FAM83D: variants seen among roughly 807,000 people sequenced by gnomAD.
FAM83D encodes scaffolding CK1 anchoring protein D.
FAM83D carries 26 observed loss-of-function variants against 25.4 expected under a neutral mutation model. The observed-to-expected ratio is 1.02, with a 90% CI of 0.75 to 1.42. The LOEUF is 1.42. Among genes scored for constraint, FAM83D ranks in the 40% most tolerant of loss-of-function variants. The pLI is 0.00. For missense variants in FAM83D, 740 were observed against 758.1 expected, an observed-to-expected ratio of 0.98 and a Z score of 0.28; for synonymous variants, 310 against 318.5, an observed-to-expected ratio of 0.97 and a Z score of 0.28.
intron 2 of FAM83D, among the ~76,000 whole-genome samples, chr20:38,942,644 G>C (rs1322075453): frequency 6.6e-6 from 1 of 152,160 alleles, no homozygotes; most frequent in African/African-American, 2.4e-5. Flanking sequence ...GGAGTTGGGG[G>C]AAGGACGGGA....
rs546123103 is a variant in FAM83D, at chr20:38,950,120, C to G, written c.777-1419C>G. ...ATAGGCATGAGCCACCGTGCCCAGC[C>G]AGATCCTGGCTTTCTTATATGGCCT... On this transcript the variant is annotated intron_variant, in intron 3 of 3. Transcript: ENST00000619850. 3.5e-5 allele frequency among the ~76,000 whole-genome samples: 4 copies of G among 114,780 alleles called. No homozygotes were observed. The Admixed American group carries it at 3.6e-4, about 10-fold the overall frequency. The allele number at this position is 114,780 out of a possible 152,430, so 75.3% of individuals were successfully genotyped here. A position where few individuals can be genotyped will look rare whatever the true frequency, so the allele number is the denominator to read the frequency against.
chr20:38,949,654 C>CGTACT (rs1443362225), intron 3 of FAM83D, among the ~76,000 whole-genome samples: 5 of 152,158 alleles, frequency 3.3e-5, no homozygotes, highest in Admixed American at 2.0e-4. Context: ...AACTCTCAAA[C>CGTACT]GTACTGACTC....
At chr20:38,933,213 G>C (rs910556611) in intron 1 of FAM83D, among the ~76,000 whole-genome samples, 5 of 152,150 alleles carry the variant, frequency 3.3e-5, no homozygotes. Context: ...CCATTCACTC[G>C]ATGCCAATAG....
chr20:38,951,295 C>T (rs2085752782), intron 3 of FAM83D, among the ~76,000 whole-genome samples: 1 of 152,150 alleles, frequency 6.6e-6, no homozygotes, highest in African/African-American at 2.4e-5. Flanking sequence ...AACAAAAAAA[C>T]CCTCTGAGGC....
At chr20:38,946,545 A>G (rs901123015) in intron 2 of FAM83D, among the ~76,000 whole-genome samples, 12 of 152,286 alleles carry the variant, frequency 7.9e-5, no homozygotes, top group Admixed American at 4.6e-4. Context: ...CCATCACCAC[A>G]AAGATCTCCC....
chr20:38,949,944 G>A (rs538980113), intron 3 of FAM83D, among the ~76,000 whole-genome samples: 8 of 152,212 alleles, frequency 5.3e-5, no homozygotes, highest in South Asian at 2.1e-4. Context: ...TCAGCCTCCC[G>A]AGTAGCTGGG....
chr20:38,932,783 C>G (rs1286442377), intron 1 of FAM83D, among the ~76,000 whole-genome samples: 3 of 152,226 alleles, frequency 2.0e-5, no homozygotes, highest in Non-Finnish European at 4.4e-5. Context: ...GCTGGTACCA[C>G]CACGAGGTTC....
intron 2 of FAM83D, among the ~76,000 whole-genome samples, chr20:38,944,000 GTT>G (rs1024249999): frequency 6.6e-6 from 1 of 152,088 alleles, no homozygotes; most frequent in Non-Finnish European, 1.5e-5. Flanking sequence ...CCCAGAATTT[GTT>G]TTTTAAAAAT....
intron 3 of FAM83D, among the ~76,000 whole-genome samples, chr20:38,949,794 G>C (rs1345922194): frequency 1.3e-5 from 2 of 152,146 alleles, no homozygotes; most frequent in African/African-American, 4.8e-5. Flanking sequence ...TCTTAGGCAG[G>C]CTCTCCCTTT....
rs753415802 is a variant in FAM83D, at chr20:38,951,647, G to A, written c.885G>A (p.Lys295=). Reference sequence around the variant, plus strand: ...TCCGAATCCTGTATGCCCAGTCCAAGCCCATCAGCCCCAAACTCCTGTCTC... The same window carrying A: ...TCCGAATCCTGTATGCCCAGTCCAAACCCATCAGCCCCAAACTCCTGTCTC... ...LEFRILYAQS[K]PISPKLLSHF... is the part of the protein sequence containing the mutation. Residue 295 remains lysine, a synonymous_variant, in exon 4 of 4, where the codon AAG becomes AAA. Coordinates refer to ENST00000619850, the MANE Select transcript of FAM83D (RefSeq NM_030919.3). 3.1e-6 allele frequency: 5 copies of A among 1,614,188 alleles called. No homozygotes were observed. The highest frequency in any genetic ancestry group is 4.2e-6 in the Non-Finnish European group (5 of 1,180,032).
rs1181547394 is a variant in FAM83D, at chr20:38,926,433, G to C, written c.-10G>C. ...TTTTTGTCCGAGGGCTGTCGAGTCC[G>C]AGCGCCGCCATGGCTCTGCTGTCCG... On this transcript the variant is annotated 5_prime_UTR_variant, in exon 1 of 4. Transcript: ENST00000619850. 3 of 1,597,918 alleles carry C rather than the reference G, an allele frequency of 1.9e-6. No individual in the cohort carries two copies. Among genetic ancestry groups the C allele is most frequent in the South Asian group, 1.1e-5 (1 of 90,910 alleles).
intron 2 of FAM83D, among the ~76,000 whole-genome samples, chr20:38,946,210 A>AC (rs2085727718): frequency 6.6e-6 from 1 of 151,250 alleles, no homozygotes; most frequent in Non-Finnish European, 1.5e-5. Context: ...AAAAAAAAAA[A>AC]AAAAAAAAAA....
chr20:38,936,287 A>G (rs2085678645), intron 1 of FAM83D, among the ~76,000 whole-genome samples: 1 of 150,702 alleles, frequency 6.6e-6, no homozygotes. Context: ...GTGCCTGGTC[A>G]GAGCCTAGAC....
intron 3 of FAM83D, among the ~76,000 whole-genome samples, chr20:38,948,958 T>A (rs1293548263): frequency 6.6e-6 from 1 of 152,196 alleles, no homozygotes; most frequent in Non-Finnish European, 1.5e-5. Flanking sequence ...TTGTAAGAAG[T>A]TTATTAAAAA....
rs2085761359 is a variant in FAM83D at position 38,952,534 on chromosome 20, A to G, written c.*14A>G. ...TCCTATCAGTAACTGCTCCGTGTTC[A>G]GACTCCTGGTTTCTTCCAGGCTTAC... On this transcript the variant is annotated 3_prime_UTR_variant, in exon 4 of 4. Transcript: ENST00000619850. 1.2e-6 allele frequency: 2 copies of G among 1,602,496 alleles called. No individual in the cohort carries two copies. Among genetic ancestry groups the G allele is most frequent in the Non-Finnish European group, 8.5e-7 (1 of 1,172,780 alleles).
At chr20:38,946,367 A>G (rs2085728701) in intron 2 of FAM83D, among the ~76,000 whole-genome samples, 1 of 152,158 alleles carries the variant, frequency 6.6e-6, no homozygotes, top group South Asian at 2.1e-4. Context: ...TTGATAGATT[A>G]ACAGAAGTTG....
Position 38,926,665 on chromosome 20 carries a change from C to T in FAM83D, c.223C>T (p.Pro75Ser). 6.5e-7 allele frequency: 1 copy of T among 1,532,012 alleles called. No individual in the cohort carries two copies. The highest frequency in any genetic ancestry group is 8.7e-7 in the Non-Finnish European group (1 of 1,145,194). The allele number at this position is 1,532,012 out of a possible 1,614,324, so 94.9% of individuals were successfully genotyped here. Reference sequence around the variant, plus strand: ...CGCCATTCTGCGCGCGGCGGAGAGGCCGGGAGAGGAGGGCGCGGCGGCGGC... The same window carrying T: ...CGCCATTCTGCGCGCGGCGGAGAGGTCGGGAGAGGAGGGCGCGGCGGCGGC... Reference protein sequence around the residue: ...VHAILRAAERPGEEGAAAAAA... With the variant: ...VHAILRAAERSGEEGAAAAAA... The change falls in exon 1 of 4, where the codon CCG becomes TCG. Residue 75 changes from proline (P) to serine (S), a missense_variant. This residue lies in a region of FAM83D where 333 missense variants were observed against 298.6 expected (regional missense o/e 1.12). Coordinates refer to ENST00000619850, the MANE Select transcript of FAM83D (RefSeq NM_030919.3).
At chr20:38,933,076 C>T (rs2085664840) in intron 1 of FAM83D, among the ~76,000 whole-genome samples, 2 of 152,168 alleles carry the variant, frequency 1.3e-5, no homozygotes, top group African/African-American at 4.8e-5. Context: ...GTTTCTGTTC[C>T]AAATGCTCAT....
chr20:38,951,748 T>G lies in FAM83D; in HGVS notation c.986T>G (p.Leu329Arg). The G allele has an allele frequency of 6.2e-7, 1 of 1,614,198 alleles. No individual in the cohort carries two copies. Among genetic ancestry groups the G allele is most frequent in the Non-Finnish European group, 8.5e-7 (1 of 1,180,048 alleles). Residue 329 changes from leucine to arginine, a missense_variant, in exon 4 of 4, where the codon CTG becomes CGG. Coordinates refer to ENST00000619850, the MANE Select transcript of FAM83D (RefSeq NM_030919.3). ...PQSKELTLGN[L>R]LRMRLARLSS... The stretch of plus-strand genomic sequence containing the variant: ...TCCAAGGAGCTCACCCTGGGCAACC[T>G]GCTGCGGATGCGGCTGGCTAGGCTG...
Sources: gnomAD v4.1 joint callset for allele counts (sites outside exome capture counted in the v4.1 genomes callset) on GRCh38, gnomAD v4.1.1 for gene constraint, gnomAD v4.1.1 regional missense constraint, MANE v1.5 for transcripts, NCBI Gene and HGNC (gene_info 2026-07-23, HGNC 2026-07-21) for gene names.